The following THSD4 variants were observed in gnomAD, a reference collection of about 807,000 sequenced individuals.
The protein encoded by THSD4 is thrombospondin type 1 domain containing 4, also known as thrombospondin type-1 domain-containing protein 4.
Under a neutral mutation model 119.0 loss-of-function variants are expected in THSD4, and 69 were observed. The ratio of observed to expected loss-of-function variants is 0.58; its 90% CI spans 0.48 to 0.71. The LOEUF (loss-of-function observed/expected upper bound fraction) is 0.71. Among genes scored for constraint, THSD4 ranks in the 30% least tolerant of loss-of-function variants. The pLI is 0.00. For missense variants in THSD4, 1,393 were observed against 1,391.1 expected (o/e 1.00, Z -0.02); for synonymous variants, 524 against 540.4 (o/e 0.97, Z 0.42).
intron 7 of THSD4, among the ~76,000 whole-genome samples, chr15:71,628,352 C>A (rs1178211056): frequency 6.6e-6 from 1 of 152,164 alleles, no homozygotes; most frequent in African/African-American, 2.4e-5. Flanking sequence ...GTTCACACTT[C>A]CTCATGTTTC....
In THSD4 at chr15:71,353,002, G is replaced by C. The variant is rs185703976; in HGVS notation, c.1016-58685G>C. On this transcript the variant is annotated intron_variant, in intron 6 of 17. Coordinates refer to ENST00000261862, the MANE Select transcript of THSD4 (RefSeq NM_024817.3). ...GAGGTTGGGTAGGTGGGACGATTGG[G>C]AGAGGAGGCTATAAAGGCTTTCCAA... Among the ~76,000 whole-genome samples the C allele has an allele frequency of 9.2e-5, 14 of 152,322 alleles. No individual in the cohort carries two copies. The South Asian group carries it at 2.9e-3, about 32-fold the overall frequency.
At chr15:71,164,166 T>G (rs1352856262) in intron 3 of THSD4, among the ~76,000 whole-genome samples, 1 of 150,592 alleles carries the variant, frequency 6.6e-6, no homozygotes, top group Admixed American at 6.6e-5. Flanking sequence ...ATATGCAGGG[T>G]GGGTAGACAA....
chr15:71,257,282 C>G (rs775394308), intron 6 of THSD4, among the ~76,000 whole-genome samples: 7 of 152,156 alleles, frequency 4.6e-5, no homozygotes, highest in Non-Finnish European at 1.0e-4. Flanking sequence ...GCTGGAGTCA[C>G]TTTTCTTTGT....
At chr15:71,168,592 T>C (rs956587899) in intron 3 of THSD4, among the ~76,000 whole-genome samples, 1 of 152,220 alleles carries the variant, frequency 6.6e-6, no homozygotes, top group Non-Finnish European at 1.5e-5. Flanking sequence ...AGAACAGAGA[T>C]ACTGCAGAAT....
At chr15:71,645,727 CA>C (rs1456651104) in intron 7 of THSD4, among the ~76,000 whole-genome samples, 2 of 152,094 alleles carry the variant, frequency 1.3e-5, no homozygotes. Context: ...CAACAGAAAA[CA>C]AAATGTTTGG....
intron 6 of THSD4, among the ~76,000 whole-genome samples, chr15:71,333,238 GTC>G (rs2045449892): frequency 6.6e-6 from 1 of 152,076 alleles, no homozygotes; most frequent in Non-Finnish European, 1.5e-5. Flanking sequence ...TTTCTCTGGA[GTC>G]TCTAGGCTGA....
At chr15:71,169,924 A>G (rs944815485) in intron 3 of THSD4, among the ~76,000 whole-genome samples, 2 of 152,140 alleles carry the variant, frequency 1.3e-5, no homozygotes, top group African/African-American at 4.8e-5. Context: ...CTGTAATCCC[A>G]GCATTTTGGA....
At chr15:71,347,112 G>A (rs989683972) in intron 6 of THSD4, among the ~76,000 whole-genome samples, 9 of 151,986 alleles carry the variant, frequency 5.9e-5, no homozygotes, top group South Asian at 2.1e-4. Context: ...GACCTCAGGC[G>A]ATCTGCCCGC....
intron 1 of THSD4, among the ~76,000 whole-genome samples, chr15:71,116,328 A>T (rs2040362347): frequency 6.6e-6 from 1 of 152,230 alleles, no homozygotes; most frequent in Admixed American, 6.5e-5. Context: ...GCACTTACAG[A>T]AGTAGCTTTT....
chr15:71,748,581 A>T lies in THSD4; in HGVS notation c.2402A>T (p.Glu801Val). ...TGTGCCAAGAGCTGGTTCCTCACCG[A>T]GTGGAGCGAAAGGGTGAGTGTGATG... ...GPCAKSWFLT[E>V]WSERCSAECG... Residue 801 changes from glutamate (E) to valine (V), a missense_variant, in exon 14 of 18, where the codon GAG becomes GTG. Physicochemically the swap from Glu to Val is moderately radical, Grantham distance 121 (BLOSUM62 -2). Transcript: ENST00000261862. 1 of 1,614,122 alleles carries T rather than the reference A, an allele frequency of 6.2e-7. No homozygotes were observed. Among genetic ancestry groups the T allele is most frequent in the East Asian group, 2.2e-5 (1 of 44,880 alleles).
chr15:71,106,798 C>T (rs1380470436), intron 1 of THSD4, among the ~76,000 whole-genome samples: 3 of 151,800 alleles, frequency 2.0e-5, no homozygotes, highest in Non-Finnish European at 4.4e-5. Context: ...CCAAGGATTC[C>T]ACAACCCTAG....
Position 71,328,884 on chromosome 15 carries a change from C to A in THSD4, c.1015+72169C>A, listed in dbSNP as rs569624640. ...GTGAAAAAAGCAAGACCAAGCTTTGCGGTTCAAGTGGCCCGTGCTTGCTGG... is the reference window on the plus strand; with the variant it reads ...GTGAAAAAAGCAAGACCAAGCTTTGAGGTTCAAGTGGCCCGTGCTTGCTGG... On this transcript the variant is annotated intron_variant, in intron 6 of 17. Coordinates refer to ENST00000261862, the MANE Select transcript of THSD4 (RefSeq NM_024817.3). 2.6e-5 allele frequency among the ~76,000 whole-genome samples: 4 copies of A among 152,316 alleles called. No homozygotes were observed. The South Asian group carries it at 6.2e-4, about 24-fold the overall frequency.
intron 14 of THSD4, among the ~76,000 whole-genome samples, chr15:71,754,906 G>T (rs1300446257): frequency 6.6e-6 from 1 of 152,138 alleles, no homozygotes; most frequent in Non-Finnish European, 1.5e-5. Context: ...AAAGGGGCTG[G>T]GGCTTCTAGG....
intron 5 of THSD4, among the ~76,000 whole-genome samples, chr15:71,251,193 T>C (rs1468549723): frequency 6.6e-6 from 1 of 152,214 alleles, no homozygotes; most frequent in Non-Finnish European, 1.5e-5. Flanking sequence ...GTTTTATTTC[T>C]CTATAGCTAG....
intron 7 of THSD4, among the ~76,000 whole-genome samples, chr15:71,455,657 A>C (rs756316735): frequency 1.3e-5 from 2 of 152,148 alleles, no homozygotes; most frequent in Non-Finnish European, 2.9e-5. Flanking sequence ...CCTAGTGTGA[A>C]AGTGAATTTG....
chr15:71,728,282 T>C (rs1004586003), intron 8 of THSD4, among the ~76,000 whole-genome samples: 2 of 152,112 alleles, frequency 1.3e-5, no homozygotes, highest in Non-Finnish European at 2.9e-5. Flanking sequence ...ATTTTCCACA[T>C]CCTTTTCACC....
At chr15:71,727,143 C>T (rs561490826) in intron 8 of THSD4, among the ~76,000 whole-genome samples, 1 of 152,146 alleles carries the variant, frequency 6.6e-6, no homozygotes, top group East Asian at 1.9e-4. Flanking sequence ...CCCTATGGGC[C>T]TCATGAACTT....
chr15:71,298,868 C>T (rs983282622), intron 6 of THSD4, among the ~76,000 whole-genome samples: 1 of 152,264 alleles, frequency 6.6e-6, no homozygotes, highest in African/African-American at 2.4e-5. Flanking sequence ...CGGCCTCGGC[C>T]TCCCAAAGTG....
intron 7 of THSD4, among the ~76,000 whole-genome samples, chr15:71,555,697 A>G (rs2049005860): frequency 6.6e-6 from 1 of 152,160 alleles, no homozygotes; most frequent in South Asian, 2.1e-4. Context: ...TGTTTAGGAA[A>G]TTATTGATCC....
Sources: allele counts gnomAD v4.1 joint callset (sites outside exome capture counted in the v4.1 genomes callset), GRCh38; gene constraint gnomAD v4.1.1; transcripts MANE v1.5; gene names NCBI Gene and HGNC (gene_info 2026-07-23, HGNC 2026-07-21).